Variants in NUP107 observed in about 807,000 individuals in gnomAD.
NUP107 encodes the protein nuclear pore complex protein Nup107.
Under a neutral mutation model 141.0 loss-of-function variants are expected in NUP107, and 101 were observed. The ratio of observed to expected loss-of-function variants is 0.72; its 90% CI spans 0.61 to 0.84. The LOEUF (loss-of-function observed/expected upper bound fraction) is 0.84. NUP107 is among the 40% of genes least tolerant of loss of function. The probability of loss-of-function intolerance (pLI) is 0.00; values close to 1 mark genes in which losing one functional copy is unlikely to be tolerated. For synonymous variants in NUP107, 319 were observed against 363.9 expected (o/e 0.88, Z 1.41); for missense variants, 941 against 1,102.7 (o/e 0.85, Z 2.08).
intron 17 of NUP107, among the ~76,000 whole-genome samples, chr12:68,725,434 A>G (rs547298307): frequency 5.3e-5 from 8 of 152,234 alleles, no homozygotes; most frequent in Non-Finnish European, 4.4e-5. Flanking sequence ...CAAGGTAAAT[A>G]GGAATAAAAT....
chr12:68,704,455 T>C (rs1188325272), intron 8 of NUP107, among the ~76,000 whole-genome samples: 1 of 151,924 alleles, frequency 6.6e-6, no homozygotes, highest in African/African-American at 2.4e-5. Context: ...TTAAAAGTAA[T>C]TCTTTTTTTT....
chr12:68,715,175 T>G (rs1385365203), intron 11 of NUP107, among the ~76,000 whole-genome samples: 1 of 152,196 alleles, frequency 6.6e-6, no homozygotes, highest in Non-Finnish European at 1.5e-5. Context: ...GAGAGCTTCA[T>G]TCCCTTTGTT....
chr12:68,708,945 T>C (rs780354422), intron 8 of NUP107, among the ~76,000 whole-genome samples: 1 of 152,164 alleles, frequency 6.6e-6, no homozygotes, highest in Non-Finnish European at 1.5e-5. Flanking sequence ...TTGTTTTATT[T>C]TGTGTTTATT....
At chr12:68,708,491 T>G (rs1384166378) in intron 8 of NUP107, among the ~76,000 whole-genome samples, 1 of 152,212 alleles carries the variant, frequency 6.6e-6, no homozygotes, top group Non-Finnish European at 1.5e-5. Context: ...TAAAGTCAGT[T>G]GTAAGAGCCT....
intron 26 of NUP107, among the ~76,000 whole-genome samples, chr12:68,737,050 C>T (rs1453428076): frequency 6.6e-6 from 1 of 152,146 alleles, no homozygotes; most frequent in African/African-American, 2.4e-5. Flanking sequence ...TCCTTTGACT[C>T]GTTTTAAACC....
At chr12:68,712,505 T>C (rs1301977389) in intron 10 of NUP107, among the ~76,000 whole-genome samples, 1 of 151,576 alleles carries the variant, frequency 6.6e-6, no homozygotes, top group African/African-American at 2.4e-5. Flanking sequence ...AAGTCAATTA[T>C]ATATTTTCTC....
intron 20 of NUP107, among the ~76,000 whole-genome samples, chr12:68,729,786 T>G (rs1252279180): frequency 6.6e-6 from 1 of 151,420 alleles, no homozygotes; most frequent in Admixed American, 6.6e-5. Context: ...ATTAATTTGT[T>G]TGTGAGTCTT....
chr12:68,728,107 AC>A (rs1485162678), intron 20 of NUP107, among the ~76,000 whole-genome samples: 4 of 151,822 alleles, frequency 2.6e-5, no homozygotes, highest in Non-Finnish European at 5.9e-5. Context: ...ACATAGGGAG[AC>A]CCTTCTCTCT....
At chr12:68,697,401 G>T (rs779646321) in intron 6 of NUP107, among the ~76,000 whole-genome samples, 2 of 143,372 alleles carry the variant, frequency 1.4e-5, no homozygotes, top group Non-Finnish European at 3.0e-5. Flanking sequence ...TCCAGCCAGG[G>T]TGACAGAGTA....
At chr12:68,704,933 A>G (rs1473355779) in intron 8 of NUP107, among the ~76,000 whole-genome samples, 1 of 151,584 alleles carries the variant, frequency 6.6e-6, no homozygotes, top group Non-Finnish European at 1.5e-5. Context: ...CACAGGCCAG[A>G]GTGCAGTGGC....
intron 7 of NUP107, among the ~76,000 whole-genome samples, chr12:68,702,206 C>T (rs1876363788): frequency 6.6e-6 from 1 of 152,158 alleles, no homozygotes; most frequent in Non-Finnish European, 1.5e-5. Flanking sequence ...CCATGCTGGT[C>T]TCAAACTCCT....
At chr12:68,736,139 C>T (rs946380643) in intron 26 of NUP107, among the ~76,000 whole-genome samples, 2 of 152,180 alleles carry the variant, frequency 1.3e-5, no homozygotes, top group African/African-American at 4.8e-5. Flanking sequence ...ACCTGAGGAG[C>T]TGTCTGAGAG....
chr12:68,706,094 C>G, intron 8 of NUP107: 6 of 773,374 alleles, frequency 7.8e-6, no homozygotes, highest in Non-Finnish European at 2.4e-6. Context: ...GCTGTACACT[C>G]TGGGCCAAGA....
chr12:68,724,467 A>G (rs1435602460), intron 17 of NUP107, among the ~76,000 whole-genome samples: 1 of 152,180 alleles, frequency 6.6e-6, no homozygotes, highest in Non-Finnish European at 1.5e-5. Context: ...AATAATTGAG[A>G]ATGGCAAGAG....
intron 6 of NUP107, 73 bp from the exon 7 acceptor site, chr12:68,700,651 CTA>C: frequency 1.0e-6 from 1 of 990,120 alleles, no homozygotes; most frequent in Non-Finnish European, 1.4e-6. Flanking sequence ...TTTTAGCACT[CTA>C]TTCAAATACA....
chr12:68,734,359 A>G (rs1456547698), intron 24 of NUP107, among the ~76,000 whole-genome samples: 1 of 152,206 alleles, frequency 6.6e-6, no homozygotes, highest in Non-Finnish European at 1.5e-5. Context: ...AGTAGGGCCA[A>G]ATCTGTGGAT....
rs1312584755 is a variant in NUP107 at position 68,734,722 on chromosome 12, CTTTAA to C, written c.2279_2283del (p.Phe760Ter). On this transcript the variant is annotated frameshift_variant, in exon 25 of 28. Coordinates refer to ENST00000229179, the MANE Select transcript of NUP107 (RefSeq NM_020401.4). LOFTEE classifies it high-confidence loss of function. Reference sequence around the variant, plus strand: ...TCACATTTTAGGAAGCCCATGAAACCTTTAATGAGTGGTTTAAGCATATGAATTCA... The same window carrying C: ...TCACATTTTAGGAAGCCCATGAAACCTGAGTGGTTTAAGCATATGAATTCA... 2 of 1,597,908 alleles carry C rather than the reference CTTTAA, an allele frequency of 1.3e-6. No individual in the cohort carries two copies. Among genetic ancestry groups the C allele is most frequent in the Non-Finnish European group, 8.5e-7 (1 of 1,173,530 alleles).
intron 5 of NUP107, among the ~76,000 whole-genome samples, chr12:68,692,522 T>C (rs926537770): frequency 3.3e-5 from 5 of 149,964 alleles, no homozygotes; most frequent in Non-Finnish European, 7.4e-5. Context: ...GAGTTTGCAG[T>C]GAGCTGAGAT....
chr12:68,713,544 A>G (rs1876967674), intron 10 of NUP107, among the ~76,000 whole-genome samples, 186 bp from the exon 11 acceptor site: 1 of 152,148 alleles, frequency 6.6e-6, no homozygotes, highest in Admixed American at 6.5e-5. Flanking sequence ...AATGGCCAAT[A>G]AGGACATGAA....
Sources: allele counts gnomAD v4.1 joint callset (sites outside exome capture counted in the v4.1 genomes callset), GRCh38; gene constraint gnomAD v4.1.1; transcripts MANE v1.5; gene names NCBI Gene and HGNC (gene_info 2026-07-23, HGNC 2026-07-21).